RAF1: variants seen among roughly 807,000 people sequenced by gnomAD.
RAF1 encodes the protein Raf-1 proto-oncogene, serine/threonine kinase.
A neutral mutation model predicts 81.1 loss-of-function variants in RAF1; 27 were observed. The observed-to-expected ratio is 0.33, with a 90% CI of 0.25 to 0.46. The LOEUF (loss-of-function observed/expected upper bound fraction) is 0.46. RAF1 is among the 20% of genes least tolerant of loss of function. The pLI, the probability that RAF1 is intolerant of heterozygous loss-of-function variation, is 1.00. For synonymous variants in RAF1, 298 were observed against 294.0 expected, an observed-to-expected ratio of 1.01 and a Z score of -0.14; for missense variants, 598 against 826.0, an observed-to-expected ratio of 0.72 and a Z score of 3.38.
At chr3:12,614,207 T>G (rs957920830) in intron 2 of RAF1, among the ~76,000 whole-genome samples, 1 of 152,190 alleles carries the variant, frequency 6.6e-6, no homozygotes, top group Admixed American at 6.5e-5. Flanking sequence ...TATGAATGCT[T>G]TACCTATTTA....
At chr3:12,644,169 C>T (rs546974930) in intron 1 of RAF1, among the ~76,000 whole-genome samples, 37 of 152,138 alleles carry the variant, frequency 2.4e-4, no homozygotes, top group Non-Finnish European at 3.8e-4. Flanking sequence ...GAAGTAGCTT[C>T]GGGACAAGTC....
chr3:12,650,745 AATATGTGCTAGGC>A, intron 1 of RAF1, among the ~76,000 whole-genome samples: 1 of 152,328 alleles, frequency 6.6e-6, no homozygotes, highest in East Asian at 1.9e-4. Flanking sequence ...ACAAAAATTG[AATATGTGCTAGGC>A]ACTGGGCTAA....
chr3:12,614,554 C>T (rs1373797835), intron 2 of RAF1, among the ~76,000 whole-genome samples: 1 of 151,646 alleles, frequency 6.6e-6, no homozygotes, highest in East Asian at 1.9e-4. Context: ...GCCTCAGCCT[C>T]GGCTGGGACC....
chr3:12,603,854 T>TA (rs1369811334), intron 7 of RAF1, among the ~76,000 whole-genome samples: 2 of 152,212 alleles, frequency 1.3e-5, no homozygotes, highest in African/African-American at 4.8e-5. Flanking sequence ...TTAAATATCT[T>TA]AGACACTTGT....
chr3:12,652,960 A>G (rs1575675472), intron 1 of RAF1, among the ~76,000 whole-genome samples: 1 of 126,564 alleles, frequency 7.9e-6, no homozygotes, highest in Non-Finnish European at 1.7e-5. Context: ...AAATTTTTTT[A>G]ATTAAATAAA....
chr3:12,590,962 A>G lies in RAF1; in HGVS notation c.1266T>C (p.His422=), dbSNP rs760765770. Residue 422 remains histidine (H), a synonymous_variant, in exon 13 of 18, where the codon CAT becomes CAC. Transcript: ENST00000442415. ...ACCCCATGAAAAGCAGAATGTTCAC[A>G]TGCCGTGTTTTGCTGGGGAGGGGAG... The G allele has an allele frequency of 1.9e-6, 3 of 1,610,702 alleles. No individual in the cohort carries two copies. Among genetic ancestry groups the G allele is most frequent in the South Asian group, 2.2e-5 (2 of 90,990 alleles).
At chr3:12,600,759 G>A (rs887260932) in intron 8 of RAF1, among the ~76,000 whole-genome samples, 2 of 152,278 alleles carry the variant, frequency 1.3e-5, no homozygotes, top group South Asian at 2.1e-4. Flanking sequence ...ACAGGGCTTC[G>A]CCATGTTGGC....
chr3:12,584,291 G>T lies in RAF1; in HGVS notation c.*223C>A. On this transcript the variant is annotated 3_prime_UTR_variant, in exon 18 of 18. Transcript: ENST00000442415. The stretch of plus-strand genomic sequence containing the variant: ...GCCTTGAGCATGGGGAATGTGGGGA[G>T]GGAGCAGGACACACCAGCACTGCAA... 1 of 573,104 alleles carries T rather than the reference G, an allele frequency of 1.7e-6. No individual in the cohort carries two copies. Among genetic ancestry groups the T allele is most frequent in the Middle Eastern group, 4.7e-4 (1 of 2,114 alleles). 35.5% of individuals were successfully genotyped at this position (573,104 alleles called of 1,614,324 possible).
Position 12,603,537 on chromosome 3 carries a change from T to A in RAF1, c.835A>T (p.Asn279Tyr). Reference sequence around the variant, plus strand: ...CTGGGAGAAGCACTCAGGTTGTTATTCTAGTCCAAAGCAATGAGAAATAAA... The same window carrying A: ...CTGGGAGAAGCACTCAGGTTGTTATACTAGTCCAAAGCAATGAGAAATAAA... Residue 279 changes from asparagine (N) to tyrosine (Y), a missense_variant and splice_region_variant, in exon 8 of 18, where the codon AAT becomes TAT. Transcript: ENST00000442415. 1 of 700,822 alleles carries A rather than the reference T, an allele frequency of 1.4e-6. No homozygotes were observed. Among genetic ancestry groups the A allele is most frequent in the Non-Finnish European group, 2.6e-6 (1 of 383,600 alleles). The allele number at this position is 700,822 out of a possible 1,614,324, so 43.4% of individuals were successfully genotyped here. A position where few individuals can be genotyped will look rare whatever the true frequency, so the allele number is the denominator to read the frequency against.
chr3:12,653,602 G>A (rs528429233), intron 1 of RAF1, among the ~76,000 whole-genome samples: 5 of 152,134 alleles, frequency 3.3e-5, no homozygotes, highest in South Asian at 2.1e-4. Flanking sequence ...AACATTAGCC[G>A]GTTGTGGTAG....
intron 1 of RAF1, among the ~76,000 whole-genome samples, chr3:12,647,719 C>G (rs2060398110): frequency 6.6e-6 from 1 of 152,174 alleles, no homozygotes; most frequent in Non-Finnish European, 1.5e-5. Flanking sequence ...AGTTTCCTAA[C>G]CAGTCCAAAA....
At chr3:12,587,556 CGAGCAGTCAAAT>C in intron 14 of RAF1, 23 bp downstream of exon 13, 1 of 1,575,416 alleles carries the variant, frequency 6.3e-7, no homozygotes, top group Non-Finnish European at 8.7e-7. Flanking sequence ...AATTTAGAAC[CGAGCAGTCAAAT>C]GAACTCAACA....
chr3:12,623,559 A>T (rs2059610175), intron 1 of RAF1, among the ~76,000 whole-genome samples: 1 of 152,016 alleles, frequency 6.6e-6, no homozygotes, highest in Non-Finnish European at 1.5e-5. Context: ...GCACTTAGGG[A>T]GGCCGAGGCA....
rs1201590933 is a variant in RAF1 at position 12,583,959 on chromosome 3, G to A, written c.*555C>T. On this transcript the variant is annotated 3_prime_UTR_variant, in exon 18 of 18. Coordinates refer to ENST00000442415, the MANE Select transcript of RAF1 (RefSeq NM_001354689.3). The stretch of plus-strand genomic sequence containing the variant: ...ACCTTAGAAGCTGTGAAAGGAGGAC[G>A]TGTCCCCTAAGAAAAGTTCCATAGT... The A allele has an allele frequency of 2.5e-5, 6 of 244,004 alleles. No individual in the cohort carries two copies. The highest frequency in any genetic ancestry group is 9.9e-5 in the Admixed American group (2 of 20,104). 15.1% of individuals were successfully genotyped at this position (244,004 alleles called of 1,614,324 possible).
At chr3:12,586,413 TAAAA>T (rs1053766687) in intron 14 of RAF1, among the ~76,000 whole-genome samples, 6 of 151,934 alleles carry the variant, frequency 3.9e-5, no homozygotes, top group Non-Finnish European at 7.4e-5. Context: ...AAAAAAAAAT[TAAAA>T]AAGAACAAAA....
At chr3:12,637,755 A>G (rs950951450) in intron 1 of RAF1, among the ~76,000 whole-genome samples, 2 of 151,900 alleles carry the variant, frequency 1.3e-5, no homozygotes, top group African/African-American at 4.8e-5. Context: ...CGGAAGGCTG[A>G]GGCAGGAAAA....
Position 12,599,840 on chromosome 3 carries a change from A to G in RAF1, c.1051-32T>C, listed in dbSNP as rs1189744991. 3 of 1,482,902 alleles carry G rather than the reference A, an allele frequency of 2.0e-6. No individual in the cohort carries two copies. In the East Asian group the frequency reaches 6.8e-5, roughly 33 times the overall value. The allele number at this position is 1,482,902 out of a possible 1,614,324, so 91.9% of individuals were successfully genotyped here. A position where few individuals can be genotyped will look rare whatever the true frequency, so the allele number is the denominator to read the frequency against. On this transcript the variant is annotated intron_variant, in intron 10 of 17. Coordinates refer to ENST00000442415, the MANE Select transcript of RAF1 (RefSeq NM_001354689.3). Reference sequence around the variant, plus strand: ...CAAGTAGAGATCATTATTATACTCCATGCAATGGTAATAATCTTTTGATAA... The same window carrying G: ...CAAGTAGAGATCATTATTATACTCCGTGCAATGGTAATAATCTTTTGATAA...
intron 14 of RAF1, 192 bp from the exon 14 acceptor site, chr3:12,585,991 G>T (rs2058321799): frequency 1.7e-6 from 1 of 582,582 alleles, no homozygotes; most frequent in Non-Finnish European, 3.1e-6. Context: ...AGACAGGCAG[G>T]GATTGGTCAA....
At chr3:12,595,533 G>A (rs920910819) in intron 11 of RAF1, among the ~76,000 whole-genome samples, 1 of 151,916 alleles carries the variant, frequency 6.6e-6, no homozygotes, top group Non-Finnish European at 1.5e-5. Flanking sequence ...GTCTTTACAG[G>A]ACCCTAAAAC....
Sources: allele counts gnomAD v4.1 joint callset (sites outside exome capture counted in the v4.1 genomes callset), GRCh38; gene constraint gnomAD v4.1.1; transcripts MANE v1.5; gene names NCBI Gene and HGNC (gene_info 2026-07-23, HGNC 2026-07-21).